SCAPER: variants seen among roughly 807,000 people sequenced by gnomAD.
SCAPER encodes S phase cyclin A-associated protein in the endoplasmic reticulum.
A neutral mutation model predicts 182.2 loss-of-function variants in SCAPER; 98 were observed. The observed-to-expected ratio is 0.54, with a 90% CI of 0.46 to 0.64. SCAPER has a LOEUF of 0.64. Among genes scored for constraint, SCAPER ranks in the 30% least tolerant of loss-of-function variants. SCAPER has a pLI of 0.00. For missense variants in SCAPER, 1,432 were observed against 1,690.0 expected, an observed-to-expected ratio of 0.85 and a Z score of 2.68; for synonymous variants, 605 against 564.6, an observed-to-expected ratio of 1.07 and a Z score of -1.01.
At chr15:76,475,452 G>A (rs776996994) in intron 24 of SCAPER, among the ~76,000 whole-genome samples, 7 of 151,670 alleles carry the variant, frequency 4.6e-5, no homozygotes, top group East Asian at 1.9e-4. Flanking sequence ...TCAGCCTCCC[G>A]GGTAACTAGG....
At chr15:76,861,957 G>A (rs1026986358) in intron 3 of SCAPER, 1 of 152,250 alleles carries the variant, frequency 6.6e-6, no homozygotes, top group Non-Finnish European at 1.5e-5. Flanking sequence ...CGAGCTTAGG[G>A]GAAAGAGCCC....
chr15:76,576,682 C>T (rs2047845341), intron 22 of SCAPER, among the ~76,000 whole-genome samples: 1 of 152,094 alleles, frequency 6.6e-6, no homozygotes, highest in African/African-American at 2.4e-5. Flanking sequence ...GCTGATGCCA[C>T]CCCTCCCTCC....
At chr15:76,558,058 C>T (rs951008935) in intron 23 of SCAPER, among the ~76,000 whole-genome samples, 2 of 152,034 alleles carry the variant, frequency 1.3e-5, no homozygotes, top group African/African-American at 4.8e-5. Context: ...AGAAGAAAAC[C>T]TAGGACATAC....
intron 25 of SCAPER, among the ~76,000 whole-genome samples, chr15:76,469,701 T>G (rs1024802233): frequency 6.6e-6 from 1 of 152,182 alleles, no homozygotes; most frequent in Non-Finnish European, 1.5e-5. Context: ...TGACTTAATA[T>G]CTATGTAGCC....
At chr15:76,539,633 C>T (rs1355224422) in intron 23 of SCAPER, among the ~76,000 whole-genome samples, 1 of 151,484 alleles carries the variant, frequency 6.6e-6, no homozygotes, top group African/African-American at 2.4e-5. Context: ...CAGGCTCCGC[C>T]CCTTGGGGTT....
chr15:76,800,287 A>G lies in SCAPER; in HGVS notation c.572T>C (p.Ile191Thr). 1 of 1,613,294 alleles carries G rather than the reference A, an allele frequency of 6.2e-7. No individual in the cohort carries two copies. Residue 191 changes from isoleucine (I) to threonine (T), a missense_variant, in exon 7 of 32, where the codon ATA (isoleucine) becomes ACA (threonine). Ile to Thr is a moderately conservative substitution (Grantham distance 89, BLOSUM62 -1). Coordinates refer to ENST00000563290, the MANE Select transcript of SCAPER (RefSeq NM_020843.4). Reference protein sequence around the residue: ...HVIPSPSTDRINVTSNARRSL... With the variant: ...HVIPSPSTDRTNVTSNARRSL... Reference sequence around the variant, plus strand: ...TCGTCGAGCATTTGATGTTACATTTATTCTATCTGTTGATGGACTTGGAAT... The same window carrying G: ...TCGTCGAGCATTTGATGTTACATTTGTTCTATCTGTTGATGGACTTGGAAT...
At chr15:76,886,873 C>T (rs116884149) in intron 1 of SCAPER, among the ~76,000 whole-genome samples, 2,225 of 152,234 alleles carry the variant, frequency 0.015, 21 homozygotes, top group Non-Finnish European at 0.023. Flanking sequence ...AGCTAGAGGC[C>T]ATCATCCTTA....
At chr15:76,650,708 A>T (rs1230636426) in intron 21 of SCAPER, among the ~76,000 whole-genome samples, 1 of 152,150 alleles carries the variant, frequency 6.6e-6, no homozygotes, top group Non-Finnish European at 1.5e-5. Flanking sequence ...CACCTATAAT[A>T]AGCACAATAT....
At chr15:76,357,188 A>ACACACCCC (rs774672151) in intron 29 of SCAPER, among the ~76,000 whole-genome samples, 1 of 149,072 alleles carries the variant, frequency 6.7e-6, no homozygotes, top group Non-Finnish European at 1.5e-5. Context: ...ACACACACAC[A>ACACACCCC]CCCCTATGGC....
rs116690774 is a variant in SCAPER at position 76,663,784 on chromosome 15, T to C, written c.2645+1869A>G. Among the ~76,000 whole-genome samples, 599 of 152,218 alleles carry C rather than the reference T, an allele frequency of 3.9e-3. 6 individuals carry two copies. The highest frequency in any genetic ancestry group is 0.014 in the African/African-American group (569 of 41,536). On this transcript the variant is annotated intron_variant, in intron 21 of 31. Coordinates refer to ENST00000563290, the MANE Select transcript of SCAPER (RefSeq NM_020843.4). ...TTCTATATCTTGATAGGGGTATGGA[T>C]TGTATGACTGTCTAGATTTTTCAAA...
rs2065107299 is a variant in SCAPER, at chr15:76,793,155, G to T, written c.772+2125C>A. ...GTGGTCACTCTATCATCTTTAACTA[G>T]AATTATTTTTTATAACACAAAAATT... On this transcript the variant is annotated intron_variant, in intron 8 of 31. Transcript: ENST00000563290. 31 of 936,038 alleles carry T rather than the reference G, an allele frequency of 3.3e-5. No homozygotes were observed. The South Asian group carries it at 5.5e-4, about 17-fold the overall frequency. 58.0% of individuals were successfully genotyped at this position (936,038 alleles called of 1,614,324 possible). A position where few individuals can be genotyped will look rare whatever the true frequency, so the allele number is the denominator to read the frequency against.
chr15:76,424,512 C>G (rs1487834101), intron 26 of SCAPER, among the ~76,000 whole-genome samples: 1 of 152,096 alleles, frequency 6.6e-6, no homozygotes, highest in African/African-American at 2.4e-5. Context: ...CTATGTGTGT[C>G]TCTGCACGTG....
At position 76,611,566 on chromosome 15, in the gene SCAPER, T is replaced by C. The variant is rs528698296; in HGVS notation, c.2711+10198A>G. On this transcript the variant is annotated intron_variant, in intron 22 of 31. Coordinates refer to ENST00000563290, the MANE Select transcript of SCAPER (RefSeq NM_020843.4). ...AAATTGAGGAGGAGGGACTCCACCT[T>C]AACAGATCCTATAAGGCCAGTATTA... Among the ~76,000 whole-genome samples the C allele has an allele frequency of 1.5e-3, 228 of 152,266 alleles. 2 individuals carry two copies. The highest frequency in any genetic ancestry group is 4.1e-3 in the Admixed American group (62 of 15,290).
intron 20 of SCAPER, among the ~76,000 whole-genome samples, chr15:76,671,536 G>A (rs928110134): frequency 1.3e-5 from 2 of 152,100 alleles, no homozygotes; most frequent in African/African-American, 4.8e-5. Context: ...GTGGGAGGCC[G>A]AGGTGGGCAG....
chr15:76,445,274 A>G (rs1395812657), intron 25 of SCAPER, among the ~76,000 whole-genome samples: 1 of 152,176 alleles, frequency 6.6e-6, no homozygotes, highest in African/African-American at 2.4e-5. Flanking sequence ...GCATATTTGT[A>G]ATTGCATGTT....
At chr15:76,526,996 C>G (rs1228798863) in intron 23 of SCAPER, among the ~76,000 whole-genome samples, 1 of 152,060 alleles carries the variant, frequency 6.6e-6, no homozygotes, top group East Asian at 1.9e-4. Flanking sequence ...CTCAGCCTCC[C>G]AAGTAGCTCG....
intron 23 of SCAPER, among the ~76,000 whole-genome samples, chr15:76,508,006 T>C (rs911889877): frequency 1.3e-5 from 2 of 152,164 alleles, no homozygotes; most frequent in African/African-American, 4.8e-5. Flanking sequence ...ATTGAACACA[T>C]TGTGTTACAA....
intron 23 of SCAPER, among the ~76,000 whole-genome samples, chr15:76,521,420 C>T (rs930997079): frequency 4.6e-5 from 7 of 151,390 alleles, no homozygotes; most frequent in African/African-American, 1.5e-4. Context: ...ATTAGGCTCA[C>T]GACTGTAATC....
At chr15:76,433,500 A>AAAC (rs539923399) in intron 26 of SCAPER, among the ~76,000 whole-genome samples, 44 of 152,164 alleles carry the variant, frequency 2.9e-4, no homozygotes, top group Middle Eastern at 3.4e-3. Context: ...GTGATAGAAA[A>AAAC]AACAACAACA....
Sources: gnomAD v4.1 joint callset for allele counts (sites outside exome capture counted in the v4.1 genomes callset) on GRCh38, gnomAD v4.1.1 for gene constraint, MANE v1.5 for transcripts, NCBI Gene and HGNC (gene_info 2026-07-23, HGNC 2026-07-21) for gene names.